Variants in MTHFD1L observed in about 807,000 individuals in gnomAD.
The protein encoded by MTHFD1L is methylenetetrahydrofolate dehydrogenase (NADP+ dependent) 1 like, also known as monofunctional C1-tetrahydrofolate synthase, mitochondrial.
Under a neutral mutation model 119.5 loss-of-function variants are expected in MTHFD1L, and 81 were observed. The observed-to-expected ratio is 0.68, with a 90% CI of 0.57 to 0.82. The LOEUF is 0.82. Among genes scored for constraint, MTHFD1L ranks in the 40% least tolerant of loss-of-function variants. The pLI is 0.00. For synonymous variants in MTHFD1L, 430 were observed against 475.2 expected (o/e 0.90, Z 1.24); for missense variants, 1,125 against 1,253.4 (o/e 0.90, Z 1.55).
chr6:150,933,735 T>G (rs1791563839), intron 11 of MTHFD1L, among the ~76,000 whole-genome samples: 1 of 152,190 alleles, frequency 6.6e-6, no homozygotes, highest in Admixed American at 6.5e-5. Flanking sequence ...ATCCTTGGCC[T>G]CCTTCTGAGA....
At chr6:151,047,431 A>G (rs1272093381) in intron 26 of MTHFD1L, among the ~76,000 whole-genome samples, 4 of 152,122 alleles carry the variant, frequency 2.6e-5, no homozygotes, top group Non-Finnish European at 1.5e-5. Flanking sequence ...GAAATAATTT[A>G]TGTTGGATTA....
chr6:151,043,828 A>C (rs1787526838), intron 26 of MTHFD1L, among the ~76,000 whole-genome samples: 1 of 152,172 alleles, frequency 6.6e-6, no homozygotes, highest in Non-Finnish European at 1.5e-5. Context: ...TAGCCAGGCC[A>C]CCCTCAGAGT....
At position 150,886,112 on chromosome 6, in the gene MTHFD1L, T is replaced by C. The variant is rs530000241; in HGVS notation, c.643+378T>C. Among the ~76,000 whole-genome samples, 8 of 152,314 alleles carry C rather than the reference T, an allele frequency of 5.3e-5. No homozygotes were observed. In the South Asian group the frequency reaches 1.7e-3, roughly 32 times the overall value. ...TTTCAGCTTACTAAATCTATCAATATGTAGCCTTAGATAAGACTTACGTTG... is the reference window on the plus strand; with the variant it reads ...TTTCAGCTTACTAAATCTATCAATACGTAGCCTTAGATAAGACTTACGTTG... On this transcript the variant is annotated intron_variant, in intron 6 of 27. Transcript: ENST00000367321.
chr6:150,964,964 T>G lies in MTHFD1L; in HGVS notation c.1945-5T>G. 1 of 1,613,560 alleles carries G rather than the reference T, an allele frequency of 6.2e-7. No homozygotes were observed. Among genetic ancestry groups the G allele is most frequent in the African/African-American group, 1.3e-5 (1 of 75,026 alleles). The stretch of plus-strand genomic sequence containing the variant: ...AGGAATCTAATGTTTTTCTCTCTCC[T>G]GTAGGGGGTGACAGGTGCTTTGACA... On this transcript the variant is annotated splice_region_variant and splice_polypyrimidine_tract_variant and intron_variant, in intron 18 of 27. Transcript: ENST00000367321.
At chr6:150,885,132 A>G (rs1583370196) in intron 5 of MTHFD1L, among the ~76,000 whole-genome samples, 1 of 151,976 alleles carries the variant, frequency 6.6e-6, no homozygotes, top group Admixed American at 6.6e-5. Flanking sequence ...GTACTGCCTT[A>G]GAATTTTCTA....
intron 26 of MTHFD1L, among the ~76,000 whole-genome samples, chr6:151,038,858 C>A (rs1429460841): frequency 6.6e-6 from 1 of 152,060 alleles, no homozygotes; most frequent in East Asian, 1.9e-4. Flanking sequence ...GTGATGCCAT[C>A]GGTCATGGAA....
chr6:150,971,435 G>A (rs1181289702), intron 19 of MTHFD1L, among the ~76,000 whole-genome samples: 1 of 152,118 alleles, frequency 6.6e-6, no homozygotes. Context: ...CTGACCTCAG[G>A]CGATCCGCCC....
chr6:151,097,398 T>C (rs1460040870), intron 27 of MTHFD1L, among the ~76,000 whole-genome samples: 1 of 152,212 alleles, frequency 6.6e-6, no homozygotes, highest in Non-Finnish European at 1.5e-5. Flanking sequence ...GTGGTATGTA[T>C]AGAGAGTGGA....
rs1000931014 is a variant in MTHFD1L at position 150,899,051 on chromosome 6, A to C, written c.781-6599A>C. ...TCTGTCATGACTTTTTTAAGTGTGA[A>C]GCTTACTTCCAGAGGAATTGTCTTT... On this transcript the variant is annotated intron_variant, in intron 7 of 27. Coordinates refer to ENST00000367321, the MANE Select transcript of MTHFD1L (RefSeq NM_015440.5). 3 of 932,948 alleles carry C rather than the reference A, an allele frequency of 3.2e-6. No homozygotes were observed. The African/African-American group carries it at 5.4e-5, about 17-fold the overall frequency. 57.8% of individuals were successfully genotyped at this position (932,948 alleles called of 1,614,324 possible).
rs533239947 is a variant in MTHFD1L, at chr6:151,054,650, T to C, written c.2847+17533T>C. Among the ~76,000 whole-genome samples, 41 of 152,302 alleles carry C rather than the reference T, an allele frequency of 2.7e-4. 1 individual carries two copies. Among genetic ancestry groups the C allele is most frequent in the African/African-American group, 9.4e-4 (39 of 41,566 alleles). On this transcript the variant is annotated intron_variant, in intron 26 of 27. Transcript: ENST00000367321. Reference sequence around the variant, plus strand: ...TTGTAATTTTTTCCCCTGCATCTTCTCTATTGAGCACATGAACTGACATCT... The same window carrying C: ...TTGTAATTTTTTCCCCTGCATCTTCCCTATTGAGCACATGAACTGACATCT...
intron 11 of MTHFD1L, among the ~76,000 whole-genome samples, chr6:150,931,818 C>CT (rs1417091436): frequency 6.6e-6 from 1 of 152,168 alleles, no homozygotes; most frequent in Non-Finnish European, 1.5e-5. Flanking sequence ...GTCACAGGTA[C>CT]TTTGACAGTT....
chr6:151,038,088 T>G (rs1474796831), intron 26 of MTHFD1L, among the ~76,000 whole-genome samples: 1 of 152,200 alleles, frequency 6.6e-6, no homozygotes, highest in Non-Finnish European at 1.5e-5. Flanking sequence ...GACACAATGT[T>G]TTTTCAATCA....
intron 6 of MTHFD1L, among the ~76,000 whole-genome samples, chr6:150,886,826 CA>C (rs1227775151): frequency 1.3e-5 from 2 of 150,990 alleles, no homozygotes; most frequent in Admixed American, 6.6e-5. Flanking sequence ...CCATCTCTAC[CA>C]AAAAAAATTT....
chr6:150,947,834 A>T (rs945569554), intron 15 of MTHFD1L, among the ~76,000 whole-genome samples: 1 of 152,182 alleles, frequency 6.6e-6, no homozygotes, highest in African/African-American at 2.4e-5. Context: ...AGTGGTAGTT[A>T]GCTGTATGCT....
At chr6:150,876,231 A>T in intron 2 of MTHFD1L, 57 bp downstream of exon 2, 1 of 1,331,208 alleles carries the variant, frequency 7.5e-7, no homozygotes. Flanking sequence ...AATTTAGAAA[A>T]TGATTGTATA....
chr6:150,883,003 A>G (rs1781613854), intron 5 of MTHFD1L, 117 bp downstream of exon 5: 1 of 1,073,922 alleles, frequency 9.3e-7, no homozygotes, highest in African/African-American at 1.7e-5. Context: ...AATTGGATAA[A>G]AAAATCATTT....
At chr6:150,954,959 C>G (rs760640636) in intron 16 of MTHFD1L, among the ~76,000 whole-genome samples, 6 of 152,056 alleles carry the variant, frequency 3.9e-5, no homozygotes, top group Non-Finnish European at 8.8e-5. Flanking sequence ...CTGGTACTTG[C>G]TCTATTCACC....
rs534618398 is a variant in MTHFD1L at position 150,945,657 on chromosome 6, G to T, written c.1623+116G>T. On this transcript the variant is annotated intron_variant, in intron 15 of 27. Coordinates refer to ENST00000367321, the MANE Select transcript of MTHFD1L (RefSeq NM_015440.5). ...GATTTTGGTTTTCAGATATCCTTTTGGGTATTAAACTCTATAGAGACCGAA... is the reference window on the plus strand; with the variant it reads ...GATTTTGGTTTTCAGATATCCTTTTTGGTATTAAACTCTATAGAGACCGAA... 1.2e-5 allele frequency: 12 copies of T among 967,330 alleles called. No homozygotes were observed. In the East Asian group the frequency reaches 2.0e-4, roughly 16 times the overall value. 59.9% of individuals were successfully genotyped at this position (967,330 alleles called of 1,614,324 possible).
intron 8 of MTHFD1L, among the ~76,000 whole-genome samples, chr6:150,908,360 C>T (rs980191308): frequency 4.0e-5 from 6 of 151,742 alleles, no homozygotes; most frequent in East Asian, 2.0e-4. Context: ...CAGTGGCTCA[C>T]GCCTGTAATC....
Sources: gnomAD v4.1 joint callset for allele counts (sites outside exome capture counted in the v4.1 genomes callset) on GRCh38, gnomAD v4.1.1 for gene constraint, MANE v1.5 for transcripts, NCBI Gene and HGNC (gene_info 2026-07-23, HGNC 2026-07-21) for gene names.